Variants in ITGBL1 observed in about 807,000 individuals in gnomAD.
The protein encoded by ITGBL1 is integrin beta-like protein 1.
In ITGBL1, 51 loss-of-function variants were observed where a neutral mutation model predicts 68.5. The observed-to-expected ratio is 0.74, with a 90% CI of 0.59 to 0.94. The LOEUF (loss-of-function observed/expected upper bound fraction) is 0.94, where lower values mean the gene tolerates loss of function less well. ITGBL1 is among the 40% of genes least tolerant of loss of function. The probability of loss-of-function intolerance (pLI) is 0.00; values close to 1 mark genes in which losing one functional copy is unlikely to be tolerated. For synonymous variants in ITGBL1, 209 were observed against 227.3 expected, an observed-to-expected ratio of 0.92 and a Z score of 0.72; for missense variants, 649 against 647.4, an observed-to-expected ratio of 1.00 and a Z score of -0.03.
At chr13:101,489,799 C>T (rs2048749936) in intron 2 of ITGBL1, among the ~76,000 whole-genome samples, 1 of 152,066 alleles carries the variant, frequency 6.6e-6, no homozygotes, top group African/African-American at 2.4e-5. Flanking sequence ...TCATTGATAT[C>T]AGAGGATGCT....
chr13:101,629,510 A>C (rs962284775), intron 7 of ITGBL1, among the ~76,000 whole-genome samples: 1 of 152,156 alleles, frequency 6.6e-6, no homozygotes, highest in Non-Finnish European at 1.5e-5. Context: ...TATTCATTTT[A>C]TATCAAGGTC....
At chr13:101,719,965 T>C (rs894346548), downstream of ITGBL1, 6 of 152,246 alleles carry the variant, frequency 3.9e-5, no homozygotes, top group Admixed American at 2.0e-4. Flanking sequence ...GGAAATTGAG[T>C]TTACCAACTT....
chr13:101,580,538 C>A (rs1261695566), intron 5 of ITGBL1, among the ~76,000 whole-genome samples: 1 of 152,126 alleles, frequency 6.6e-6, no homozygotes, highest in Non-Finnish European at 1.5e-5. Flanking sequence ...GTGCTGCACC[C>A]ATTAACTTAT....
chr13:101,467,890 T>A (rs781111593), intron 2 of ITGBL1, among the ~76,000 whole-genome samples: 14 of 152,046 alleles, frequency 9.2e-5, no homozygotes, highest in South Asian at 8.3e-4. Flanking sequence ...TTTTTTTTTT[T>A]AAAAGAGGTC....
intron 7 of ITGBL1, among the ~76,000 whole-genome samples, chr13:101,608,797 T>C (rs2030991395): frequency 6.6e-6 from 1 of 152,090 alleles, no homozygotes; most frequent in African/African-American, 2.4e-5. Context: ...ATTTGAAACC[T>C]AGTTTTTATA....
intron 2 of ITGBL1, among the ~76,000 whole-genome samples, chr13:101,455,318 C>T (rs377229100): frequency 3.9e-5 from 6 of 152,042 alleles, no homozygotes; most frequent in South Asian, 2.1e-4. Context: ...TTTGGAGGGG[C>T]GCAGGTGCAT....
rs778714637 is a variant in ITGBL1, at chr13:101,567,837, C to T, written c.455C>T (p.Ser152Phe). Residue 152 changes from serine (S) to phenylalanine (F), a missense_variant, in exon 3 of 11, where the codon TCT (serine) becomes TTT (phenylalanine). By Grantham distance (155) the Ser-to-Phe change is radical (BLOSUM62 -2). Coordinates refer to ENST00000376180, the MANE Select transcript of ITGBL1 (RefSeq NM_004791.3). ...AAGAATTCACAAGACATCATCTGCT[C>T]TAATGCAGGTAAGAAGTATACCCTG... The part of the protein sequence containing the change: ...MCKNSQDIIC[S>F]NAGTCHCGRC... 6.2e-7 allele frequency: 1 copy of T among 1,612,554 alleles called. No homozygotes were observed. Among genetic ancestry groups the T allele is most frequent in the Non-Finnish European group, 8.5e-7 (1 of 1,179,138 alleles).
chr13:101,598,098 T>A (rs761374477), intron 6 of ITGBL1, 55 bp from the exon 7 acceptor site: 1 of 1,500,640 alleles, frequency 6.7e-7, no homozygotes, highest in South Asian at 1.3e-5. Context: ...GAAAACTAAT[T>A]CCAACTTCAT....
At chr13:101,576,950 A>G (rs1429780402) in intron 4 of ITGBL1, among the ~76,000 whole-genome samples, 4 of 72,946 alleles carry the variant, frequency 5.5e-5, no homozygotes, top group African/African-American at 1.3e-4. Flanking sequence ...ATTATTATAG[A>G]TGGAAAAAAA....
intron 7 of ITGBL1, among the ~76,000 whole-genome samples, chr13:101,660,967 C>T (rs186444336): frequency 6.6e-6 from 1 of 152,272 alleles, no homozygotes; most frequent in Non-Finnish European, 1.5e-5. Flanking sequence ...AATATTTCAT[C>T]CAGATGCTCT....
intron 7 of ITGBL1, among the ~76,000 whole-genome samples, chr13:101,676,199 G>C (rs1189006232): frequency 6.6e-6 from 1 of 151,352 alleles, no homozygotes; most frequent in Non-Finnish European, 1.5e-5. Flanking sequence ...ACCTGTTTTT[G>C]TTTTGTTTTG....
intron 6 of ITGBL1, among the ~76,000 whole-genome samples, chr13:101,597,097 T>G (rs2030017011): frequency 6.6e-6 from 1 of 152,154 alleles, no homozygotes; most frequent in Non-Finnish European, 1.5e-5. Flanking sequence ...CAATGTACGC[T>G]CATCAGTTAC....
intron 2 of ITGBL1, among the ~76,000 whole-genome samples, chr13:101,459,750 GAAAT>G (rs2048292700): frequency 6.6e-6 from 1 of 151,658 alleles, no homozygotes; most frequent in African/African-American, 2.4e-5. Context: ...AAATAAATAA[GAAAT>G]AAATATAAAA....
At chr13:101,644,261 C>T (rs1239375572) in intron 7 of ITGBL1, among the ~76,000 whole-genome samples, 2 of 152,114 alleles carry the variant, frequency 1.3e-5, no homozygotes, top group African/African-American at 4.8e-5. Flanking sequence ...GTTCTTTCTC[C>T]ACCAGAATAT....
At chr13:101,567,893 T>G in intron 3 of ITGBL1, 48 bp downstream of exon 3, 1 of 1,511,080 alleles carries the variant, frequency 6.6e-7, no homozygotes, top group Non-Finnish European at 9.1e-7. Context: ...AATCAAATTT[T>G]GTTTTTAATG....
intron 7 of ITGBL1, among the ~76,000 whole-genome samples, chr13:101,686,902 A>T (rs960223222): frequency 3.3e-5 from 5 of 152,182 alleles, no homozygotes; most frequent in Admixed American, 2.0e-4. Flanking sequence ...CTTTTTAATG[A>T]ATACTTTAAA....
At chr13:101,524,853 T>C (rs1216805290) in intron 2 of ITGBL1, among the ~76,000 whole-genome samples, 1 of 152,164 alleles carries the variant, frequency 6.6e-6, no homozygotes, top group Non-Finnish European at 1.5e-5. Flanking sequence ...AATTAACATC[T>C]GTTTCTCCTA....
intron 2 of ITGBL1, among the ~76,000 whole-genome samples, chr13:101,512,357 C>A (rs571030629): frequency 4.2e-4 from 64 of 152,260 alleles, no homozygotes; most frequent in African/African-American, 1.5e-3. Context: ...CTCCACGTCT[C>A]TTCTAAGATT....
chr13:101,548,715 A>C (rs2049869312), intron 2 of ITGBL1, among the ~76,000 whole-genome samples: 1 of 151,832 alleles, frequency 6.6e-6, no homozygotes, highest in Non-Finnish European at 1.5e-5. Flanking sequence ...TAGCTAAAGC[A>C]AAAGAAAACA....
Sources: allele counts gnomAD v4.1 joint callset (sites outside exome capture counted in the v4.1 genomes callset), GRCh38; gene constraint gnomAD v4.1.1; transcripts MANE v1.5; gene names NCBI Gene and HGNC (gene_info 2026-07-23, HGNC 2026-07-21).